The following ACSBG1 variants were observed in gnomAD, a reference collection of about 807,000 sequenced individuals.
The protein encoded by ACSBG1 is long-chain-fatty-acid--CoA ligase ACSBG1.
A neutral mutation model predicts 80.2 loss-of-function variants in ACSBG1; 39 were observed. The observed-to-expected ratio is 0.49, with a 90% CI of 0.38 to 0.64. The LOEUF (loss-of-function observed/expected upper bound fraction) is 0.64. ACSBG1 is among the 30% of genes least tolerant of loss of function. The pLI, the probability that ACSBG1 is intolerant of heterozygous loss-of-function variation, is 0.00. For missense variants in ACSBG1, 828 were observed against 966.4 expected (o/e 0.86, Z 1.90); for synonymous variants, 392 against 379.5 (o/e 1.03, Z -0.38).
intron 5 of ACSBG1, 45 bp downstream of exon 5, chr15:78,193,461 G>A: frequency 6.3e-7 from 1 of 1,574,968 alleles, no homozygotes; most frequent in South Asian, 1.2e-5. Flanking sequence ...AGGTGCATGG[G>A]GATACCCAGC....
chr15:78,175,151 C>T (rs911385690), intron 11 of ACSBG1, among the ~76,000 whole-genome samples: 1 of 152,242 alleles, frequency 6.6e-6, no homozygotes, highest in Admixed American at 6.5e-5. Flanking sequence ...AAGGTCCTCT[C>T]CCCTTCTTTC....
chr15:78,207,849 G>T, intron 2 of ACSBG1, 153 bp downstream of exon 2: 2 of 644,060 alleles, frequency 3.1e-6, no homozygotes, highest in Non-Finnish European at 5.6e-6. Flanking sequence ...AAGGGGCTTG[G>T]TGGGGTCCCT....
chr15:78,199,276 G>C (rs985082218), intron 2 of ACSBG1, among the ~76,000 whole-genome samples: 2 of 151,936 alleles, frequency 1.3e-5, no homozygotes, highest in East Asian at 2.0e-4. Context: ...AGAGACGTGG[G>C]GGTTAGCCAT....
chr15:78,178,834 G>A lies in ACSBG1; in HGVS notation c.1485-3C>T, dbSNP rs1452105318. ...AGCCGGGCACCAACTTGCCTGAGCTGGCGAGGGAGGGGCCGGGAGACTGGT... is the reference window on the plus strand; with the variant it reads ...AGCCGGGCACCAACTTGCCTGAGCTAGCGAGGGAGGGGCCGGGAGACTGGT... On this transcript the variant is annotated splice_region_variant and splice_polypyrimidine_tract_variant and intron_variant, in intron 10 of 13. Coordinates refer to ENST00000258873, the MANE Select transcript of ACSBG1 (RefSeq NM_015162.5). This position sits in a 1 kb window ranked among gnomAD's most constrained non-coding sequence, Gnocchi z 4.3. 3 of 1,605,774 alleles carry A rather than the reference G, an allele frequency of 1.9e-6. No individual in the cohort carries two copies. Among genetic ancestry groups the A allele is most frequent in the Non-Finnish European group, 1.7e-6 (2 of 1,177,798 alleles).
intron 11 of ACSBG1, 108 bp from the exon 12 acceptor site, chr15:78,174,632 T>A (rs561150943): frequency 7.4e-7 from 1 of 1,354,890 alleles, no homozygotes; most frequent in African/African-American, 1.5e-5. Flanking sequence ...CAGCTGGAGA[T>A]GCCCCCTTTC....
intron 1 of ACSBG1, among the ~76,000 whole-genome samples, chr15:78,221,702 G>A (rs2075361161): frequency 6.6e-6 from 1 of 152,104 alleles, no homozygotes; most frequent in South Asian, 2.1e-4. Flanking sequence ...GGAAACTTTG[G>A]ACAATACCCA....
intron 10 of ACSBG1, 56 bp downstream of exon 10, chr15:78,179,493 AC>A: frequency 1.3e-6 from 2 of 1,523,844 alleles, no homozygotes; most frequent in Non-Finnish European, 1.8e-6. Flanking sequence ...GCAGGCGGGC[AC>A]AAAGTACCAG....
chr15:78,174,626 T>C (rs2074864954), intron 11 of ACSBG1, 102 bp from the exon 12 acceptor site: 1 of 1,380,418 alleles, frequency 7.2e-7, no homozygotes, highest in Non-Finnish European at 9.7e-7. Flanking sequence ...TCAGCACAGC[T>C]GGAGATGCCC....
At chr15:78,194,117 G>A (rs527360632) in intron 3 of ACSBG1, 97 bp from the exon 4 acceptor site, 1 of 1,204,646 alleles carries the variant, frequency 8.3e-7, no homozygotes, top group African/African-American at 1.5e-5. Context: ...GGGACCTGCA[G>A]GCTCCACCCT....
intron 1 of ACSBG1, among the ~76,000 whole-genome samples, chr15:78,208,679 C>T (rs915942523): frequency 3.3e-5 from 5 of 152,194 alleles, no homozygotes; most frequent in African/African-American, 1.2e-4. Context: ...TGTCTGTTCA[C>T]TCCATGGAGA....
Position 78,178,511 on chromosome 15 carries a change from AG to A in ACSBG1, c.1702+102del. On this transcript the variant is annotated intron_variant, in intron 11 of 13. Coordinates refer to ENST00000258873, the MANE Select transcript of ACSBG1 (RefSeq NM_015162.5). The surrounding 1 kb of genome is among the most constrained non-coding windows in gnomAD (Gnocchi z 4.3). Reference sequence around the variant, plus strand: ...GAGATGGGGTTTCGCTGTGCTGCCCAGGGTGGTCTTGAACTCCTGAGCTCAG... The same window carrying A: ...GAGATGGGGTTTCGCTGTGCTGCCCAGGTGGTCTTGAACTCCTGAGCTCAG... 1 of 1,288,308 alleles carries A rather than the reference AG, an allele frequency of 7.8e-7. No individual in the cohort carries two copies. The highest frequency in any genetic ancestry group is 1.1e-6 in the Non-Finnish European group (1 of 951,722). 79.8% of individuals were successfully genotyped at this position (1,288,308 alleles called of 1,614,324 possible).
At position 78,188,023 on chromosome 15, in the gene ACSBG1, C is replaced by A. The variant is rs1207348504; in HGVS notation, c.664-5238G>T. Among the ~76,000 whole-genome samples, 6 of 152,248 alleles carry A rather than the reference C, an allele frequency of 3.9e-5. No homozygotes were observed. In the East Asian group the frequency reaches 9.6e-4, roughly 24 times the overall value. On this transcript the variant is annotated intron_variant, in intron 5 of 13. Transcript: ENST00000258873. ...TACAAAAATCACAAGCATTCTTATA[C>A]CCCAATAACAGACAAACAGAGAGTC...
Position 78,234,491 on chromosome 15 carries a change from T to C in ACSBG1, c.11A>G (p.Asn4Ser). ...TGGGCAGCCGTATCCAGCTCCAGAA[T>C]TGCGTGGCATCTGCCTCGGGCTTCC... is the stretch of plus-strand genomic sequence containing the variant. MPR[N>S]SGAGYGCPHG... is the part of the protein sequence containing the mutation. The change falls in exon 1 of 14, where the codon AAT becomes AGT. Residue 4 changes from asparagine (N) to serine (S), a missense_variant. Asn to Ser is a conservative substitution (Grantham distance 46). This residue lies in a region of ACSBG1 where 356 missense variants were observed against 363.5 expected (regional missense o/e 0.98). Transcript: ENST00000258873. 6.2e-7 allele frequency: 1 copy of C among 1,611,310 alleles called. No individual in the cohort carries two copies. Among genetic ancestry groups the C allele is most frequent in the Non-Finnish European group, 8.5e-7 (1 of 1,179,926 alleles).
chr15:78,189,169 C>G (rs2075034356), intron 5 of ACSBG1, among the ~76,000 whole-genome samples: 1 of 151,466 alleles, frequency 6.6e-6, no homozygotes. Context: ...AGTCAGGAAA[C>G]AGCAGGTGCT....
Position 78,171,430 on chromosome 15 carries a change from G to A in ACSBG1, c.*14C>T, listed in dbSNP as rs147470279. The A allele has an allele frequency of 1.2e-6, 2 of 1,610,716 alleles. No homozygotes were observed. The highest frequency in any genetic ancestry group is 1.3e-5 in the African/African-American group (1 of 74,986). On this transcript the variant is annotated 3_prime_UTR_variant, in exon 14 of 14. Transcript: ENST00000258873. ...TGCCCTCTATTCTATAGAAACTGCA[G>A]GCATAGGCCCTGATTACATTTTTTG...
intron 5 of ACSBG1, among the ~76,000 whole-genome samples, chr15:78,185,558 G>A (rs567362785): frequency 1.3e-5 from 2 of 152,256 alleles, no homozygotes; most frequent in South Asian, 4.1e-4. Flanking sequence ...ACATGTAATT[G>A]GAGTCCCAGA....
rs1567079417 is a variant in ACSBG1, at chr15:78,178,749, G to A, written c.1567C>T (p.Arg523Cys). The change falls in exon 11 of 14, where the codon CGC (arginine) becomes TGC (cysteine). Residue 523 changes from arginine (R) to cysteine (C), a missense_variant. Around this residue, in one of 3 missense-constraint regions of ACSBG1, gnomAD observed 271 missense variants for 375.9 expected, o/e 0.72. Coordinates refer to ENST00000258873, the MANE Select transcript of ACSBG1 (RefSeq NM_015162.5). The surrounding 1 kb of genome is among the most constrained non-coding windows in gnomAD (Gnocchi z 4.3). ...TTCAGGTAGCCCATGAATATGGTGC[G>A]GCCCCACAGGCAGATCTCGCCAATG... ...EGIGEICLWG[R>C]TIFMGYLNME... 3.1e-6 allele frequency: 5 copies of A among 1,614,106 alleles called. No homozygotes were observed. The highest frequency in any genetic ancestry group is 1.1e-5 in the South Asian group (1 of 91,086).
chr15:78,170,061 A>C lies in ACSBG1; in HGVS notation c.*1383T>G, dbSNP rs11072733. 0.045 allele frequency: 6,893 copies of C among 152,314 alleles called. 268 individuals carry two copies. Among genetic ancestry groups the C allele is most frequent in the African/African-American group, 0.11 (4,395 of 41,536 alleles). 9.4% of individuals were successfully genotyped at this position (152,314 alleles called of 1,614,324 possible). A position where few individuals can be genotyped will look rare whatever the true frequency, so the allele number is the denominator to read the frequency against. ...CAGTACCAGTATAAGATGACATTCC[A>C]AAGACTGGAGGCAACTCAGCCTGAG... On this transcript the variant is annotated 3_prime_UTR_variant, in exon 14 of 14. Coordinates refer to ENST00000258873, the MANE Select transcript of ACSBG1 (RefSeq NM_015162.5).
rs756909612 is a variant in ACSBG1, at chr15:78,178,673, G to A, written c.1643C>T (p.Thr548Met). The change falls in exon 11 of 14, where the codon ACG (threonine) becomes ATG (methionine). Residue 548 changes from threonine (T) to methionine (M), a missense_variant. Coordinates refer to ENST00000258873, the MANE Select transcript of ACSBG1 (RefSeq NM_015162.5). This position sits in a 1 kb window ranked among gnomAD's most constrained non-coding sequence, Gnocchi z 4.3. ...GGCGTCCAGGCGGCCAGCATCACCCGTGTGCAGCCAGCCTTCCTCGTCGAT... is the reference window on the plus strand; with the variant it reads ...GGCGTCCAGGCGGCCAGCATCACCCATGTGCAGCCAGCCTTCCTCGTCGAT... Reference protein sequence around the residue: ...EAIDEEGWLHTGDAGRLDADG... With the variant: ...EAIDEEGWLHMGDAGRLDADG... 7.4e-6 allele frequency: 12 copies of A among 1,613,912 alleles called. No individual in the cohort carries two copies. Among genetic ancestry groups the A allele is most frequent in the East Asian group, 2.2e-5 (1 of 44,898 alleles).
Sources: allele counts gnomAD v4.1 joint callset (sites outside exome capture counted in the v4.1 genomes callset), GRCh38; gene constraint gnomAD v4.1.1; regional missense constraint gnomAD v4.1.1; non-coding constraint Gnocchi (gnomAD v3.1); transcripts MANE v1.5; gene names NCBI Gene and HGNC (gene_info 2026-07-23, HGNC 2026-07-21).